GRID2IP: variants seen among roughly 807,000 people sequenced by gnomAD.
GRID2IP encodes Grid2 interacting protein, also known as delphilin.
In GRID2IP, 78 loss-of-function variants were observed where a neutral mutation model predicts 114.3. That is an observed-to-expected ratio of 0.68 (90% CI 0.57 to 0.82). The LOEUF (loss-of-function observed/expected upper bound fraction) is 0.82. Among genes scored for constraint, GRID2IP ranks in the 40% least tolerant of loss-of-function variants. GRID2IP has a pLI of 0.00. For synonymous variants in GRID2IP, 809 were observed against 724.0 expected, an observed-to-expected ratio of 1.12 and a Z score of -1.89; for missense variants, 1,727 against 1,678.5, an observed-to-expected ratio of 1.03 and a Z score of -0.51.
rs1384917627 is a variant in GRID2IP, at chr7:6,507,052, A to G, written c.2544+933T>C. Among the ~76,000 whole-genome samples, 1 of 152,028 alleles carries G rather than the reference A, an allele frequency of 6.6e-6. No homozygotes were observed. Among genetic ancestry groups the G allele is most frequent in the Non-Finnish European group, 1.5e-5 (1 of 67,994 alleles). ...TGTGGGCTGAGAAAGCAGGAGACAG[A>G]ATTGGGACCCAGGAGATGGCAGTGG... On this transcript the variant is annotated intron_variant, in intron 13 of 21. Coordinates refer to ENST00000457091, the MANE Select transcript of GRID2IP (RefSeq NM_001145118.2). This position sits in a 1 kb window ranked among gnomAD's most constrained non-coding sequence, Gnocchi z 5.3.
intron 8 of GRID2IP, among the ~76,000 whole-genome samples, chr7:6,513,991 C>A (rs947747973): frequency 2.0e-5 from 3 of 148,018 alleles, no homozygotes; most frequent in African/African-American, 7.5e-5. Flanking sequence ...TGGTGGCTCA[C>A]ACCTGTAATC....
At chr7:6,499,571 C>A (rs892001376) in intron 20 of GRID2IP, among the ~76,000 whole-genome samples, 8 of 152,194 alleles carry the variant, frequency 5.3e-5, no homozygotes. Flanking sequence ...GCTGGGATTA[C>A]AGGCACATGG....
Position 6,508,977 on chromosome 7 carries a change from G to A in GRID2IP, c.2108C>T (p.Pro703Leu), listed in dbSNP as rs777135845. The A allele has an allele frequency of 1.6e-5, 25 of 1,547,696 alleles. No homozygotes were observed. The highest frequency in any genetic ancestry group is 2.4e-5 in the East Asian group (1 of 40,912). The change falls in exon 12 of 22, where the codon CCG (proline) becomes CTG (leucine). Residue 703 changes from proline to leucine, a missense_variant. By Grantham distance (98) the Pro-to-Leu change is moderately conservative (BLOSUM62 -3). Coordinates refer to ENST00000457091, the MANE Select transcript of GRID2IP (RefSeq NM_001145118.2). The surrounding 1 kb of genome is among the most constrained non-coding windows in gnomAD (Gnocchi z 5.6). ...GCCCACCTCCTCGTAGTCGTTCTCC[G>A]GGGTCAGGAAATCATCCACGATGGT... ...RVTIVDDFLT[P>L]ENDYEEMSFH...
At chr7:6,540,323 G>C (rs1349857615) in intron 1 of GRID2IP, among the ~76,000 whole-genome samples, 5 of 151,710 alleles carry the variant, frequency 3.3e-5, no homozygotes, top group Admixed American at 2.0e-4. Flanking sequence ...TGTTGGTCAG[G>C]CTAGTTTTGA....
In GRID2IP at chr7:6,496,923, C is replaced by T. The variant is rs1332137909; in HGVS notation, c.*851G>A. 3.3e-5 allele frequency among the ~76,000 whole-genome samples: 5 copies of T among 152,040 alleles called. No individual in the cohort carries two copies. The highest frequency in any genetic ancestry group is 7.4e-5 in the Non-Finnish European group (5 of 67,984). On this transcript the variant is annotated 3_prime_UTR_variant, in exon 22 of 22. Coordinates refer to ENST00000457091, the MANE Select transcript of GRID2IP (RefSeq NM_001145118.2). ...ATATGCCTAGGCACATGTAAAATGA[C>T]CATTTGGGTCCCAAACACATCCCAG...
chr7:6,525,310 AAAATT>A (rs1263122510), intron 4 of GRID2IP, among the ~76,000 whole-genome samples: 1 of 151,996 alleles, frequency 6.6e-6, no homozygotes, highest in Non-Finnish European at 1.5e-5. Flanking sequence ...TCTGTCTCAA[AAAATT>A]AAATTAAATA....
In GRID2IP at chr7:6,526,282, C is replaced by T; in HGVS notation, c.861G>A (p.Lys287=). The T allele has an allele frequency of 1.3e-6, 2 of 1,552,010 alleles. No individual in the cohort carries two copies. Among genetic ancestry groups the T allele is most frequent in the Middle Eastern group, 1.7e-4 (1 of 5,992 alleles). The change falls in exon 4 of 22, where the codon AAG becomes AAA. Residue 287 remains lysine, a synonymous_variant. Coordinates refer to ENST00000457091, the MANE Select transcript of GRID2IP (RefSeq NM_001145118.2). This position sits in a 1 kb window ranked among gnomAD's most constrained non-coding sequence, Gnocchi z 7.6. ...GGCCGCGAAGTGTGAAGCCGAAGCT[C>T]TTGTTGCCTTTGTAGACTCGGACAG... ...RRTVRVYKGN[K]SFGFTLRGHG...
At chr7:6,548,416 G>A (rs760299868) in intron 1 of GRID2IP, among the ~76,000 whole-genome samples, 16 of 152,156 alleles carry the variant, frequency 1.1e-4, no homozygotes, top group Non-Finnish European at 1.8e-4. Flanking sequence ...ATAAATGCTT[G>A]AGGGGATGGG....
In GRID2IP at chr7:6,516,871, C is replaced by T. The variant is rs1477976695; in HGVS notation, c.1269-2342G>A. Among the ~76,000 whole-genome samples the T allele has an allele frequency of 1.3e-5, 2 of 152,118 alleles. No individual in the cohort carries two copies. The highest frequency in any genetic ancestry group is 4.1e-4 in the South Asian group (2 of 4,826). On this transcript the variant is annotated intron_variant, in intron 7 of 21. Transcript: ENST00000457091. The surrounding 1 kb of genome is among the most constrained non-coding windows in gnomAD (Gnocchi z 4.3). The stretch of plus-strand genomic sequence containing the variant: ...GGAAGGGCCCCCTGTCTGGCGGACA[C>T]GTGACTCACATGACCTTACCTATCA...
At chr7:6,533,674 CTT>C (rs1179952257) in intron 2 of GRID2IP, among the ~76,000 whole-genome samples, 35 of 135,388 alleles carry the variant, frequency 2.6e-4, no homozygotes, top group Non-Finnish European at 2.4e-4. Flanking sequence ...CATTTTTAAA[CTT>C]TTTTTTTTTT....
rs751147601 is a variant in GRID2IP, at chr7:6,536,864, G to T, written c.584+2854C>A. ...GCTCATGGTGGCCTCTTTCGGTGGT[G>T]GTCGCCTATGCTCCGCTGCAGAGCC... On this transcript the variant is annotated intron_variant, in intron 2 of 21. Transcript: ENST00000457091. This position sits in a 1 kb window ranked among gnomAD's most constrained non-coding sequence, Gnocchi z 5.3. The T allele has an allele frequency of 1.4e-6, 1 of 690,932 alleles. No individual in the cohort carries two copies. The highest frequency in any genetic ancestry group is 1.5e-5 in the South Asian group (1 of 67,336). The allele number at this position is 690,932 out of a possible 1,614,324, so 42.8% of individuals were successfully genotyped here. A position where few individuals can be genotyped will look rare whatever the true frequency, so the allele number is the denominator to read the frequency against.
At position 6,497,443 on chromosome 7, in the gene GRID2IP, A is replaced by C; in HGVS notation, c.*331T>G. ...GAAAAAAGGTCCACATGTCCCAGGA[A>C]TGTGGCCACTTTGTAATCCACCCTC... On this transcript the variant is annotated 3_prime_UTR_variant, in exon 22 of 22. Coordinates refer to ENST00000457091, the MANE Select transcript of GRID2IP (RefSeq NM_001145118.2). The C allele has an allele frequency of 4.3e-6, 1 of 235,094 alleles. No individual in the cohort carries two copies. The highest frequency in any genetic ancestry group is 8.2e-6 in the Non-Finnish European group (1 of 121,242). 14.6% of individuals were successfully genotyped at this position (235,094 alleles called of 1,614,324 possible). A position where few individuals can be genotyped will look rare whatever the true frequency, so the allele number is the denominator to read the frequency against.
In GRID2IP at chr7:6,516,689, C is replaced by T. The variant is rs188027569; in HGVS notation, c.1269-2160G>A. On this transcript the variant is annotated intron_variant, in intron 7 of 21. Coordinates refer to ENST00000457091, the MANE Select transcript of GRID2IP (RefSeq NM_001145118.2). This position sits in a 1 kb window ranked among gnomAD's most constrained non-coding sequence, Gnocchi z 4.3. ...CTGTGATGCTGTGCTTCAGTGGTCA[C>T]GCTCCTGGTCCGCATTCATGTTCTG... Among the ~76,000 whole-genome samples the T allele has an allele frequency of 1.3e-3, 199 of 152,350 alleles. No homozygotes were observed. Among genetic ancestry groups the T allele is most frequent in the African/African-American group, 4.4e-3 (181 of 41,588 alleles).
chr7:6,503,562 C>A lies in GRID2IP; in HGVS notation c.2836G>T (p.Glu946Ter). 1.3e-6 allele frequency: 2 copies of A among 1,528,826 alleles called. No homozygotes were observed. Among genetic ancestry groups the A allele is most frequent in the Non-Finnish European group, 1.7e-6 (2 of 1,144,190 alleles). 94.7% of individuals were successfully genotyped at this position (1,528,826 alleles called of 1,614,324 possible). Residue 946 changes from glutamate to a stop codon, truncating the protein, a stop_gained, in exon 16 of 22, where the codon GAG becomes TAG. Coordinates refer to ENST00000457091, the MANE Select transcript of GRID2IP (RefSeq NM_001145118.2). LOFTEE classifies it high-confidence loss of function. ...QLLLFAPDAD[E>*]EQRYQAFREA... The stretch of plus-strand genomic sequence containing the variant: ...CGGAAGGCCTGGTAGCGCTGCTCCT[C>A]GTCGGCGTCGGGCGCGAAGAGCAGC...
chr7:6,521,985 G>A lies in GRID2IP; in HGVS notation c.920-28C>T. On this transcript the variant is annotated intron_variant, in intron 4 of 21. Transcript: ENST00000457091. The surrounding 1 kb of genome is among the most constrained non-coding windows in gnomAD (Gnocchi z 4.1). ...GGAAGCAAGAAGAGAGGGTGTGCCG[G>A]TCAGCTGGGCAGGGTACCACTTTGA... 2.6e-6 allele frequency: 4 copies of A among 1,537,024 alleles called. No individual in the cohort carries two copies. Among genetic ancestry groups the A allele is most frequent in the Non-Finnish European group, 3.5e-6 (4 of 1,133,980 alleles).
At chr7:6,517,515 G>C (rs571678330) in intron 7 of GRID2IP, among the ~76,000 whole-genome samples, 1 of 152,280 alleles carries the variant, frequency 6.6e-6, no homozygotes, top group African/African-American at 2.4e-5. Context: ...GCCCAACTTA[G>C]ACACATTCAT....
At position 6,521,382 on chromosome 7, in the gene GRID2IP, C is replaced by A; in HGVS notation, c.1084+47G>T. The A allele has an allele frequency of 2.2e-6, 3 of 1,352,462 alleles. No individual in the cohort carries two copies. The highest frequency in any genetic ancestry group is 2.3e-5 in the Admixed American group (1 of 44,076). The allele number at this position is 1,352,462 out of a possible 1,614,324, so 83.8% of individuals were successfully genotyped here. A position where few individuals can be genotyped will look rare whatever the true frequency, so the allele number is the denominator to read the frequency against. On this transcript the variant is annotated intron_variant, in intron 6 of 21. Coordinates refer to ENST00000457091, the MANE Select transcript of GRID2IP (RefSeq NM_001145118.2). This position sits in a 1 kb window ranked among gnomAD's most constrained non-coding sequence, Gnocchi z 4.1. ...TGACTCTCACATATAGCAGCCTGGG[C>A]AGGGTCTCTGGGGGCCAAGGAAGCC... is the stretch of plus-strand genomic sequence containing the variant.
intron 15 of GRID2IP, 113 bp from the exon 16 acceptor site, chr7:6,503,800 A>C (rs956607168): frequency 1.4e-6 from 1 of 712,762 alleles, no homozygotes; most frequent in Non-Finnish European, 2.2e-6. Flanking sequence ...GGCGGGGCCT[A>C]GGGGAGAGGA....
At chr7:6,499,478 T>C (rs1441405361) in intron 20 of GRID2IP, among the ~76,000 whole-genome samples, 1 of 152,206 alleles carries the variant, frequency 6.6e-6, no homozygotes, top group Non-Finnish European at 1.5e-5. Flanking sequence ...TTGCCCAGAC[T>C]GGAGTGCAAT....
Sources: allele counts gnomAD v4.1 joint callset (sites outside exome capture counted in the v4.1 genomes callset), GRCh38; gene constraint gnomAD v4.1.1; non-coding constraint Gnocchi (gnomAD v3.1); transcripts MANE v1.5; gene names NCBI Gene and HGNC (gene_info 2026-07-23, HGNC 2026-07-21).